AKAP8: variants seen among roughly 807,000 people sequenced by gnomAD.
The protein encoded by AKAP8 is A-kinase anchoring protein 8.
AKAP8 carries 24 observed loss-of-function variants against 67.5 expected under a neutral mutation model. The observed-to-expected ratio is 0.36, with a 90% CI of 0.26 to 0.50. The LOEUF (loss-of-function observed/expected upper bound fraction) is 0.50. AKAP8 is among the 20% of genes least tolerant of loss of function. The pLI is 0.97. For synonymous variants in AKAP8, 400 were observed against 371.1 expected, an observed-to-expected ratio of 1.08 and a Z score of -0.90; for missense variants, 971 against 955.9, an observed-to-expected ratio of 1.02 and a Z score of -0.21.
At chr19:15,379,585 T>G in intron 1 of AKAP8, 128 bp downstream of exon 1, 7 of 1,098,222 alleles carry the variant, frequency 6.4e-6, no homozygotes, top group Non-Finnish European at 7.4e-6. Flanking sequence ...CCTGGCCGCC[T>G]CTCCGGAGGG....
rs1204167005 is a variant in AKAP8 at position 15,371,947 on chromosome 19, C to G, written c.1038+5G>C. ...AGAGGCAAAAGGGCTGCCTGGTGGACTTACACCCTTGAATTCTTCATCTCC... is the reference window on the plus strand; with the variant it reads ...AGAGGCAAAAGGGCTGCCTGGTGGAGTTACACCCTTGAATTCTTCATCTCC... On this transcript the variant is annotated splice_donor_5th_base_variant and intron_variant, in intron 7 of 13. Transcript: ENST00000269701. 1 of 1,613,894 alleles carries G rather than the reference C, an allele frequency of 6.2e-7. No individual in the cohort carries two copies. The highest frequency in any genetic ancestry group is 1.7e-5 in the Admixed American group (1 of 59,960).
At chr19:15,374,427 G>T (rs918201128) in intron 3 of AKAP8, among the ~76,000 whole-genome samples, 176 bp downstream of exon 3, 5 of 152,138 alleles carry the variant, frequency 3.3e-5, no homozygotes, top group African/African-American at 1.2e-4. Context: ...CCCTGAGGCC[G>T]CCCACCACAG....
intron 9 of AKAP8, among the ~76,000 whole-genome samples, chr19:15,364,281 C>G (rs1206076008): frequency 6.6e-6 from 1 of 150,990 alleles, no homozygotes; most frequent in Non-Finnish European, 1.5e-5. Context: ...CCTGCCTCAG[C>G]CTCCCGAGTA....
rs751807667 is a variant in AKAP8 at position 15,373,363 on chromosome 19, CA to C, written c.372-24del. The C allele has an allele frequency of 2.3e-5, 37 of 1,579,318 alleles. 1 individual carries two copies. Among genetic ancestry groups the C allele is most frequent in the Middle Eastern group, 1.7e-4 (1 of 5,740 alleles). Reference sequence around the variant, plus strand: ...GAGCTGCAACAGAAGCACAGCCCATCAGGGGCGGTCACCCCGATCACCCACT... The same window carrying C: ...GAGCTGCAACAGAAGCACAGCCCATCGGGGCGGTCACCCCGATCACCCACT... On this transcript the variant is annotated intron_variant, in intron 4 of 13. Transcript: ENST00000269701.
chr19:15,376,086 C>T (rs984720773), intron 2 of AKAP8, among the ~76,000 whole-genome samples: 5 of 152,076 alleles, frequency 3.3e-5, no homozygotes, highest in African/African-American at 9.7e-5. Context: ...CGCACTGCCA[C>T]GCCCCACTAA....
chr19:15,376,878 G>T, intron 2 of AKAP8, 98 bp downstream of exon 2: 1 of 1,417,984 alleles, frequency 7.1e-7, no homozygotes, highest in Non-Finnish European at 9.7e-7. Flanking sequence ...GCTGACCCCT[G>T]GGCTACTACT....
chr19:15,374,741 C>T (rs1967223515), intron 2 of AKAP8, 106 bp from the exon 3 acceptor site: 10 of 1,340,696 alleles, frequency 7.5e-6, no homozygotes, highest in Non-Finnish European at 3.1e-6. Flanking sequence ...CCAGGGCTTC[C>T]CTCCGCAGCG....
chr19:15,364,108 C>CCAAAAAAA (rs1967028041), intron 9 of AKAP8, among the ~76,000 whole-genome samples: 1 of 52,336 alleles, frequency 1.9e-5, no homozygotes, highest in Non-Finnish European at 3.1e-5. Context: ...TGGCAGTGGG[C>CCAAAAAAA]AAAAAAAAAA....
At chr19:15,361,631 T>G (rs1220111411) in intron 11 of AKAP8, 98 bp downstream of exon 11, 8 of 1,040,342 alleles carry the variant, frequency 7.7e-6, no homozygotes, top group Non-Finnish European at 1.0e-5. Flanking sequence ...GGATTACAGG[T>G]GTGAGCCACC....
At position 15,372,263 on chromosome 19, in the gene AKAP8, T is replaced by C. The variant is rs779252959; in HGVS notation, c.946A>G (p.Thr316Ala). 9 of 1,614,194 alleles carry C rather than the reference T, an allele frequency of 5.6e-6. No homozygotes were observed. The highest frequency in any genetic ancestry group is 7.6e-6 in the Non-Finnish European group (9 of 1,180,044). ...KQFQLYEEPDTKLARVDSEGD... is the reference protein window; with the variant it reads ...KQFQLYEEPDAKLARVDSEGD... ...TCACTGTCAACCCGGGCCAGTTTGG[T>C]GTCTGGCTCCTCGTAAAGTTGGAAC... The change falls in exon 6 of 14, where the codon ACC becomes GCC. Residue 316 changes from threonine to alanine, a missense_variant. This residue lies in a region of AKAP8 where 763 missense variants were observed against 745.4 expected (regional missense o/e 1.02). Coordinates refer to ENST00000269701, the MANE Select transcript of AKAP8 (RefSeq NM_005858.4).
At chr19:15,361,065 G>C in intron 11 of AKAP8, 87 bp from the exon 12 acceptor site, 10 of 1,507,246 alleles carry the variant, frequency 6.6e-6, no homozygotes, top group Non-Finnish European at 8.9e-6. Context: ...TTTTCTCCCT[G>C]CAACTCTAAG....
At chr19:15,371,025 G>T (rs552715020) in intron 7 of AKAP8, among the ~76,000 whole-genome samples, 1 of 152,090 alleles carries the variant, frequency 6.6e-6, no homozygotes, top group Non-Finnish European at 1.5e-5. Context: ...GTGAACATAC[G>T]GCTAAATTAA....
chr19:15,374,750 C>T (rs575041335), intron 2 of AKAP8, 115 bp from the exon 3 acceptor site: 87 of 1,204,364 alleles, frequency 7.2e-5, no homozygotes, highest in Non-Finnish European at 9.3e-5. Flanking sequence ...CCCTCCGCAG[C>T]GCTCAGGGAG....
chr19:15,370,260 C>A, intron 7 of AKAP8, 81 bp from the exon 8 acceptor site: 1 of 1,533,938 alleles, frequency 6.5e-7, no homozygotes, highest in Non-Finnish European at 9.0e-7. Context: ...CTGGCCACTG[C>A]CTGGTGGGCA....
rs1397961311 is a variant in AKAP8, at chr19:15,354,502, C to T, written c.*413G>A. 1 of 183,134 alleles carries T rather than the reference C, an allele frequency of 5.5e-6. No individual in the cohort carries two copies. The highest frequency in any genetic ancestry group is 2.4e-5 in the African/African-American group (1 of 41,986). The allele number at this position is 183,134 out of a possible 1,614,324, so 11.3% of individuals were successfully genotyped here. A position where few individuals can be genotyped will look rare whatever the true frequency, so the allele number is the denominator to read the frequency against. On this transcript the variant is annotated 3_prime_UTR_variant, in exon 14 of 14. Coordinates refer to ENST00000269701, the MANE Select transcript of AKAP8 (RefSeq NM_005858.4). ...AAGCTTGAAACATACAAAAAAAAAT[C>T]CTCTATAGAGCAAGATATATTCCTA...
Position 15,371,995 on chromosome 19 carries a change from T to C in AKAP8, c.995A>G (p.Asp332Gly), listed in dbSNP as rs200305270. ...TCCTGAGCGGAAGTCACCAGCTGCG[T>C]CATCTGCCAGACACAAAGAAAGGAA... ...DSEGDFSEND[D>G]AAGDFRSGDE... The change falls in exon 7 of 14, where the codon GAC (aspartate) becomes GGC (glycine). Residue 332 changes from aspartate to glycine, a missense_variant. Physicochemically the swap from Asp to Gly is moderately conservative, Grantham distance 94. Transcript: ENST00000269701. 1.2e-6 allele frequency: 2 copies of C among 1,614,110 alleles called. No homozygotes were observed. The highest frequency in any genetic ancestry group is 2.2e-5 in the East Asian group (1 of 44,886).
At chr19:15,365,370 A>G (rs1967052278) in intron 9 of AKAP8, among the ~76,000 whole-genome samples, 1 of 152,232 alleles carries the variant, frequency 6.6e-6, no homozygotes, top group African/African-American at 2.4e-5. Flanking sequence ...CAGGCTTTCA[A>G]AGTCTCCCCA....
chr19:15,368,273 T>C lies in AKAP8; in HGVS notation c.1122A>G (p.Gln374=), dbSNP rs1967100274. Residue 374 remains glutamine (Q), a synonymous_variant, in exon 9 of 14, where the codon CAA becomes CAG. Coordinates refer to ENST00000269701, the MANE Select transcript of AKAP8 (RefSeq NM_005858.4). ...DEDVKKRREK[Q]RRRDRTRDRA... ...GGTCCCGCGTCCTGTCTCTTCTCCT[T>C]TGCTTTTCCCTTCTCTTCTTCACAT... 1 of 1,613,496 alleles carries C rather than the reference T, an allele frequency of 6.2e-7. No homozygotes were observed. The highest frequency in any genetic ancestry group is 8.5e-7 in the Non-Finnish European group (1 of 1,179,986).
intron 9 of AKAP8, among the ~76,000 whole-genome samples, chr19:15,364,972 G>A (rs1967046132): frequency 6.6e-6 from 1 of 152,188 alleles, no homozygotes; most frequent in Non-Finnish European, 1.5e-5. Flanking sequence ...GCAACAGAAT[G>A]GCAGTTACCC....
Sources: allele counts gnomAD v4.1 joint callset (sites outside exome capture counted in the v4.1 genomes callset), GRCh38; gene constraint gnomAD v4.1.1; regional missense constraint gnomAD v4.1.1; transcripts MANE v1.5; gene names NCBI Gene and HGNC (gene_info 2026-07-23, HGNC 2026-07-21).